The following TRNT1 variants were observed in gnomAD, a reference collection of about 807,000 sequenced individuals.
TRNT1 encodes the protein tRNA nucleotidyl transferase 1, also known as CCA tRNA nucleotidyltransferase 1, mitochondrial.
In TRNT1, 44 loss-of-function variants were observed where a neutral mutation model predicts 45.6. The ratio of observed to expected loss-of-function variants is 0.97; its 90% CI spans 0.76 to 1.24. The LOEUF (loss-of-function observed/expected upper bound fraction) is 1.24, where lower values mean the gene tolerates loss of function less well. Among genes scored for constraint, TRNT1 ranks in the 50% most tolerant of loss-of-function variants. TRNT1 has a pLI of 0.00. For synonymous variants in TRNT1, 201 were observed against 171.4 expected, an observed-to-expected ratio of 1.17 and a Z score of -1.35; for missense variants, 633 against 504.4, an observed-to-expected ratio of 1.25 and a Z score of -2.44.
rs1259648157 is a variant in TRNT1, at chr3:3,146,442, AAT to A, written c.622_623del (p.Ile208CysfsTer6). The A allele has an allele frequency of 6.2e-7, 1 of 1,609,034 alleles. No homozygotes were observed. Among genetic ancestry groups the A allele is most frequent in the African/African-American group, 1.3e-5 (1 of 74,468 alleles). ...TTTTGTCTTGTAGGTTTTATGGGAG[AAT>A]TGTAGACAAACCTGGTGACCATGAT... ...ILRYFRFYGR[I>X]VDKPGDHDPE... On this transcript the variant is annotated frameshift_variant, in exon 6 of 8. Transcript: ENST00000251607. LOFTEE classifies it high-confidence loss of function.
In TRNT1 at chr3:3,129,205, C is replaced by T. The variant is rs200220844; in HGVS notation, c.148+17C>T. 3.8e-5 allele frequency: 61 copies of T among 1,611,916 alleles called. No homozygotes were observed. The East Asian group carries it at 6.7e-4, about 18-fold the overall frequency. On this transcript the variant is annotated intron_variant, in intron 2 of 7. Coordinates refer to ENST00000251607, the MANE Select transcript of TRNT1 (RefSeq NM_182916.3). ...GTCTGACAGGTGAGAGATTAGGATACCTTTTCTTGATTGGAAACCTATATA... is the reference window on the plus strand; with the variant it reads ...GTCTGACAGGTGAGAGATTAGGATATCTTTTCTTGATTGGAAACCTATATA...
chr3:3,137,132 T>G, intron 2 of TRNT1, 128 bp from the exon 3 acceptor site: 1 of 714,874 alleles, frequency 1.4e-6, no homozygotes, highest in Middle Eastern at 4.3e-4. Flanking sequence ...ATTTTTCATA[T>G]GAAAAGCCTC....
intron 2 of TRNT1, among the ~76,000 whole-genome samples, chr3:3,130,897 C>A (rs1379210814): frequency 6.6e-6 from 1 of 151,762 alleles, no homozygotes; most frequent in African/African-American, 2.4e-5. Flanking sequence ...GCCTGGGCAA[C>A]ACGGTGAAAC....
chr3:3,142,069 C>T (rs548461926), intron 4 of TRNT1, among the ~76,000 whole-genome samples: 3 of 152,096 alleles, frequency 2.0e-5, no homozygotes, highest in Non-Finnish European at 4.4e-5. Flanking sequence ...CATAGAGAGC[C>T]CAATTGGTGC....
At chr3:3,150,920 G>A (rs566932471), downstream of TRNT1, 679 of 1,613,932 alleles carry the variant, frequency 4.2e-4, 10 homozygotes, top group South Asian at 6.9e-3. Context: ...GTCTGGGATC[G>A]TGGGCAACAG....
intron 7 of TRNT1, 51 bp from the exon 8 acceptor site, chr3:3,147,855 A>C (rs1706157544): frequency 1.3e-6 from 2 of 1,564,902 alleles, no homozygotes; most frequent in East Asian, 4.5e-5. Context: ...TAAGATTGTA[A>C]GTGTATGTTT....
chr3:3,150,928 C>T (rs1706492983), downstream of TRNT1: 1 of 1,613,888 alleles, frequency 6.2e-7, no homozygotes, highest in Non-Finnish European at 8.5e-7. Context: ...TCGTGGGCAA[C>T]AGAGCAGATC....
rs778000505 is a variant in TRNT1, at chr3:3,129,021, G to A, written c.-20G>A. The A allele has an allele frequency of 1.3e-5, 20 of 1,583,090 alleles. No homozygotes were observed. The highest frequency in any genetic ancestry group is 1.5e-5 in the Non-Finnish European group (18 of 1,161,552). ...TGTGTATTTGCCTTGTAGATGTGTA[G>A]TTGGTGACTGCCTCTCCAGATGCTG... On this transcript the variant is annotated 5_prime_UTR_variant, in exon 2 of 8. Coordinates refer to ENST00000251607, the MANE Select transcript of TRNT1 (RefSeq NM_182916.3).
intron 2 of TRNT1, chr3:3,130,040 C>T (rs998089532): frequency 2.2e-6 from 1 of 458,082 alleles, no homozygotes; most frequent in African/African-American, 2.0e-5. Context: ...CCAGTAGCTT[C>T]TTGCTGTTGC....
chr3:3,146,089 T>C (rs75595482), intron 5 of TRNT1, among the ~76,000 whole-genome samples: 4 of 150,818 alleles, frequency 2.7e-5, no homozygotes, highest in Admixed American at 1.3e-4. Context: ...GTTTTTTTTT[T>C]CATCTAGTAT....
intron 3 of TRNT1, among the ~76,000 whole-genome samples, chr3:3,138,613 G>A (rs952303181): frequency 6.6e-6 from 1 of 151,964 alleles, no homozygotes; most frequent in Admixed American, 6.6e-5. Context: ...TGACCTTCTA[G>A]TTTTATCTTT....
chr3:3,134,972 A>G (rs1424753651), intron 2 of TRNT1, among the ~76,000 whole-genome samples: 2 of 152,060 alleles, frequency 1.3e-5, no homozygotes, highest in African/African-American at 4.8e-5. Flanking sequence ...TTGTTTTCCA[A>G]CTGGGTAGTT....
At chr3:3,130,169 T>C in intron 2 of TRNT1, 1 of 588,882 alleles carries the variant, frequency 1.7e-6, no homozygotes, top group South Asian at 2.0e-5. Flanking sequence ...TATTTAGTAG[T>C]ATATGTAGAA....
downstream of TRNT1, among the ~76,000 whole-genome samples, chr3:3,151,395 G>A (rs1301133629): frequency 2.0e-5 from 3 of 151,990 alleles, no homozygotes; most frequent in African/African-American, 7.2e-5. Context: ...TTCCTTTGTT[G>A]TATTGCAGTC....
chr3:3,127,396 G>C (rs1399580404), intron 1 of TRNT1: 2 of 152,296 alleles, frequency 1.3e-5, no homozygotes, highest in African/African-American at 2.4e-5. Flanking sequence ...GGCCTGCCGG[G>C]AAGCGCGGCT....
intron 6 of TRNT1, among the ~76,000 whole-genome samples, 158 bp downstream of exon 6, chr3:3,146,781 C>G (rs1028128327): frequency 6.6e-6 from 1 of 152,032 alleles, no homozygotes; most frequent in African/African-American, 2.4e-5. Flanking sequence ...TAAGTTTTGT[C>G]GTGAGTAGGG....
downstream of TRNT1, chr3:3,152,692 TAC>T (rs1240724180): frequency 5.2e-6 from 7 of 1,354,500 alleles, no homozygotes; most frequent in Admixed American, 1.9e-5. Flanking sequence ...GTATGAGCTA[TAC>T]AGTTTTTAAT....
intron 2 of TRNT1, among the ~76,000 whole-genome samples, chr3:3,134,902 A>C (rs1705233012): frequency 6.6e-6 from 1 of 152,122 alleles, no homozygotes; most frequent in East Asian, 1.9e-4. Context: ...ACCTAACCTT[A>C]CCTTCAGGTG....
At chr3:3,147,823 G>A in intron 7 of TRNT1, 83 bp from the exon 8 acceptor site, 1 of 1,525,974 alleles carries the variant, frequency 6.6e-7, no homozygotes, top group South Asian at 1.3e-5. Context: ...AAAAATTTAT[G>A]TTGAGTATTT....
Sources: allele counts gnomAD v4.1 joint callset (sites outside exome capture counted in the v4.1 genomes callset), GRCh38; gene constraint gnomAD v4.1.1; transcripts MANE v1.5; gene names NCBI Gene and HGNC (gene_info 2026-07-23, HGNC 2026-07-21).